Variants in PRMT8 observed in about 807,000 individuals in gnomAD.
PRMT8 encodes protein arginine N-methyltransferase 8.
In PRMT8, 7 loss-of-function variants were observed where a neutral mutation model predicts 47.1. The observed-to-expected ratio is 0.15, with a 90% CI of 0.08 to 0.28. PRMT8 has a LOEUF of 0.28. Among genes scored for constraint, PRMT8 ranks in the 10% least tolerant of loss-of-function variants. PRMT8 has a pLI of 1.00. For synonymous variants in PRMT8, 188 were observed against 186.5 expected, an observed-to-expected ratio of 1.01 and a Z score of -0.07; for missense variants, 237 against 505.4, an observed-to-expected ratio of 0.47 and a Z score of 5.09.
chr12:3,449,134 T>C (rs1864891426), intron 1 of PRMT8, among the ~76,000 whole-genome samples: 2 of 152,232 alleles, frequency 1.3e-5, no homozygotes, highest in South Asian at 4.1e-4. Flanking sequence ...ATGCAACCTA[T>C]CACTAGTGGG....
chr12:3,524,054 G>C (rs1012535448), intron 1 of PRMT8, among the ~76,000 whole-genome samples: 1 of 152,134 alleles, frequency 6.6e-6, no homozygotes, highest in Non-Finnish European at 1.5e-5. Flanking sequence ...CAATTGCACC[G>C]GAACTTGTGC....
At chr12:3,486,060 T>C (rs964736971) in intron 1 of PRMT8, among the ~76,000 whole-genome samples, 3 of 152,172 alleles carry the variant, frequency 2.0e-5, no homozygotes, top group Non-Finnish European at 4.4e-5. Context: ...ACAAGTGACA[T>C]TGGTAAATAG....
intron 1 of PRMT8, among the ~76,000 whole-genome samples, chr12:3,530,971 G>C (rs1350221963): frequency 6.6e-6 from 1 of 152,214 alleles, no homozygotes; most frequent in Non-Finnish European, 1.5e-5. Flanking sequence ...TTTGCACAGT[G>C]ACATGAACAG....
chr12:3,424,573 C>T (rs1184404917), intron 1 of PRMT8, among the ~76,000 whole-genome samples: 1 of 152,086 alleles, frequency 6.6e-6, no homozygotes, highest in Non-Finnish European at 1.5e-5. Flanking sequence ...TCTGTTCTAG[C>T]TAATACTTTA....
At chr12:3,549,041 A>G (rs1866373879) in intron 2 of PRMT8, among the ~76,000 whole-genome samples, 2 of 152,208 alleles carry the variant, frequency 1.3e-5, no homozygotes, top group Non-Finnish European at 1.5e-5. Context: ...TATGTTGCAC[A>G]ATTTATATAA....
chr12:3,540,656 C>T lies in PRMT8; in HGVS notation c.126C>T (p.Pro42=), dbSNP rs759914897. The change falls in exon 2 of 10, where the codon CCC becomes CCT. Residue 42 remains proline, a synonymous_variant. Coordinates refer to ENST00000382622, the MANE Select transcript of PRMT8 (RefSeq NM_019854.5). ...QPPQPVVPAK[P]VQCVHHVSTQ... is the part of the protein sequence containing the mutation. ...CCCAGCCCGTCGTCCCTGCTAAGCC[C>T]GTGCAATGCGTCCATCATGTGTCCA... is the stretch of plus-strand genomic sequence containing the variant. The T allele has an allele frequency of 2.7e-5, 43 of 1,611,720 alleles. No individual in the cohort carries two copies. In the East Asian group the frequency reaches 3.3e-4, roughly 13 times the overall value.
chr12:3,506,181 A>C (rs2137123979), intron 1 of PRMT8, among the ~76,000 whole-genome samples: 1 of 152,274 alleles, frequency 6.6e-6, no homozygotes, highest in South Asian at 2.1e-4. Flanking sequence ...TGTGGGATTC[A>C]TCCTCTATGA....
chr12:3,557,985 C>T lies in PRMT8; in HGVS notation c.481+4271C>T, dbSNP rs953218594. Reference sequence around the variant, plus strand: ...ACCTCTGACCCAGCCCCTGACTCTTCGTCTCCCTCTCAGTGCCAGCCCACC... The same window carrying T: ...ACCTCTGACCCAGCCCCTGACTCTTTGTCTCCCTCTCAGTGCCAGCCCACC... On this transcript the variant is annotated intron_variant, in intron 4 of 9. Coordinates refer to ENST00000382622, the MANE Select transcript of PRMT8 (RefSeq NM_019854.5). This position sits in a 1 kb window ranked among gnomAD's most constrained non-coding sequence, Gnocchi z 4.7. 3.3e-5 allele frequency among the ~76,000 whole-genome samples: 5 copies of T among 152,252 alleles called. No individual in the cohort carries two copies. Among genetic ancestry groups the T allele is most frequent in the East Asian group, 1.9e-4 (1 of 5,170 alleles).
intron 4 of PRMT8, among the ~76,000 whole-genome samples, chr12:3,562,866 G>A (rs1591604271): frequency 1.3e-5 from 2 of 152,284 alleles, no homozygotes; most frequent in Admixed American, 1.3e-4. Context: ...GGAAGCTTCT[G>A]CTGCAGGGAG....
chr12:3,448,284 C>T (rs117910621), intron 1 of PRMT8, among the ~76,000 whole-genome samples: 2,653 of 152,262 alleles, frequency 0.017, 38 homozygotes, highest in Middle Eastern at 0.02. Flanking sequence ...GAATTACAGG[C>T]GTGAGCCACC....
At chr12:3,505,911 C>T (rs11062686) in intron 1 of PRMT8, among the ~76,000 whole-genome samples, 2,600 of 152,266 alleles carry the variant, frequency 0.017, 85 homozygotes, top group African/African-American at 0.058. Context: ...ATCTTCCTAG[C>T]GGTTTTGCTT....
At chr12:3,494,118 G>C (rs1865468246) in intron 1 of PRMT8, among the ~76,000 whole-genome samples, 1 of 152,174 alleles carries the variant, frequency 6.6e-6, no homozygotes, top group Non-Finnish European at 1.5e-5. Flanking sequence ...CTCCACGTGT[G>C]TCAGTGGGTG....
chr12:3,440,314 T>C (rs1176829013), intron 1 of PRMT8, among the ~76,000 whole-genome samples: 2 of 151,836 alleles, frequency 1.3e-5, no homozygotes, highest in Non-Finnish European at 2.9e-5. Flanking sequence ...CAAAAAAAAT[T>C]AGCCAGGCAT....
At chr12:3,431,988 G>A (rs1335419568) in intron 1 of PRMT8, among the ~76,000 whole-genome samples, 3 of 152,228 alleles carry the variant, frequency 2.0e-5, no homozygotes, top group Non-Finnish European at 4.4e-5. Context: ...AAAGACAGAG[G>A]AGTTTGGAAT....
Position 3,467,056 on chromosome 12 carries a change from G to A in PRMT8, c.49-73550G>A, listed in dbSNP as rs111239250. Among the ~76,000 whole-genome samples the A allele has an allele frequency of 9.9e-3, 1,497 of 151,966 alleles. 29 individuals are homozygous for A. Among genetic ancestry groups the A allele is most frequent in the African/African-American group, 0.034 (1,396 of 41,454 alleles). On this transcript the variant is annotated intron_variant, in intron 1 of 9. Coordinates refer to the PRMT8 transcript ENST00000452611. ...ATCGAGACCATCTTGGCTAACACAC[G>A]GGGAAACCCCGTCTCTACTAAAAAT...
At chr12:3,542,389 A>G (rs1416754137) in intron 2 of PRMT8, among the ~76,000 whole-genome samples, 1 of 152,028 alleles carries the variant, frequency 6.6e-6, no homozygotes, top group Non-Finnish European at 1.5e-5. Context: ...CCCTTCCTTG[A>G]CCCTGCTCTC....
intron 1 of PRMT8, among the ~76,000 whole-genome samples, chr12:3,473,508 C>G (rs1271931468): frequency 6.6e-6 from 1 of 152,148 alleles, no homozygotes; most frequent in African/African-American, 2.4e-5. Context: ...CCTGTGCTCT[C>G]TGCAGTTCCC....
Position 3,545,334 on chromosome 12 carries a change from C to T in PRMT8, c.261+4543C>T, listed in dbSNP as rs371936545. ...TCCGGCTTACTGAGCACCTGCTATG[C>T]GCCATGCCCCATGCCTGGTTCTAGA... On this transcript the variant is annotated intron_variant, in intron 2 of 9. Coordinates refer to ENST00000382622, the MANE Select transcript of PRMT8 (RefSeq NM_019854.5). 6.6e-5 allele frequency among the ~76,000 whole-genome samples: 10 copies of T among 152,198 alleles called. No individual in the cohort carries two copies. In the South Asian group the frequency reaches 8.3e-4, roughly 13 times the overall value.
rs377231594 is a variant in PRMT8, at chr12:3,570,213, CA to C, written c.712+655del. Among the ~76,000 whole-genome samples, 2 of 151,946 alleles carry C rather than the reference CA, an allele frequency of 1.3e-5. No individual in the cohort carries two copies. Among genetic ancestry groups the C allele is most frequent in the African/African-American group, 4.8e-5 (2 of 41,386 alleles). On this transcript the variant is annotated intron_variant, in intron 6 of 9. Coordinates refer to ENST00000382622, the MANE Select transcript of PRMT8 (RefSeq NM_019854.5). The surrounding 1 kb of genome is among the most constrained non-coding windows in gnomAD (Gnocchi z 5.5). Reference sequence around the variant, plus strand: ...TGTGGTTCTCTGAGAACAATAAAGCCAAAAAACTTCTCCTCCCCCGCAATGT... The same window carrying C: ...TGTGGTTCTCTGAGAACAATAAAGCCAAAAACTTCTCCTCCCCCGCAATGT...
Sources: allele counts gnomAD v4.1 joint callset (sites outside exome capture counted in the v4.1 genomes callset), GRCh38; gene constraint gnomAD v4.1.1; non-coding constraint Gnocchi (gnomAD v3.1); transcripts MANE v1.5; gene names NCBI Gene and HGNC (gene_info 2026-07-23, HGNC 2026-07-21).